Variants in POLA1 observed in about 807,000 individuals in gnomAD.
The protein encoded by POLA1 is DNA polymerase alpha catalytic subunit.
Under a neutral mutation model 124.0 loss-of-function variants are expected in POLA1, and 15 were observed. The ratio of observed to expected loss-of-function variants is 0.12; its 90% CI spans 0.08 to 0.19. The LOEUF is 0.19. Ranked by LOEUF, POLA1 falls within the 10% of genes least tolerant of loss-of-function variation. The probability of loss-of-function intolerance (pLI) is 1.00; values close to 1 mark genes in which losing one functional copy is unlikely to be tolerated. For synonymous variants in POLA1, 408 were observed against 389.4 expected (o/e 1.05, Z -0.56); for missense variants, 886 against 1,103.4 (o/e 0.80, Z 2.79).
At position 24,887,996 on chromosome X, in the gene POLA1, T is replaced by C. The variant is rs367846906; in HGVS notation, c.4048-10T>C. ...ATGGTGATAAGTCTGAAGTTTTCCC[T>C]TCTCTCCAGGGCTGGTTGATATGTG... On this transcript the variant is annotated splice_polypyrimidine_tract_variant and intron_variant, in intron 34 of 36. Coordinates refer to ENST00000379068, the MANE Select transcript of POLA1 (RefSeq NM_001330360.2). 3.2e-5 allele frequency: 36 copies of C among 1,138,669 alleles called. No homozygotes were observed. In the African/African-American group the frequency reaches 5.4e-4, roughly 17 times the overall value. The allele number at this position is 1,138,669 out of a possible 1,213,427, so 93.8% of individuals were successfully genotyped here.
intron 32 of POLA1, among the ~76,000 whole-genome samples, chrX:24,831,110 G>A (rs1292935242): frequency 1.8e-5 from 2 of 111,691 alleles, no homozygotes; most frequent in Non-Finnish European, 3.8e-5. Context: ...AAAAAATGAT[G>A]CATACCACTC....
intron 33 of POLA1, 90 bp from the exon 34 acceptor site, chrX:24,843,456 C>G (rs1452085750): frequency 9.9e-5 from 57 of 573,187 alleles, no homozygotes; most frequent in Non-Finnish European, 1.4e-4. Flanking sequence ...TAAGAATATT[C>G]AACACTAGGA....
chrX:24,861,559 C>G (rs2046716472), intron 34 of POLA1, among the ~76,000 whole-genome samples: 1 of 112,613 alleles, frequency 8.9e-6, no homozygotes, highest in Non-Finnish European at 1.9e-5. Flanking sequence ...CTCTGGTAAT[C>G]TTTTTTGTGA....
chrX:24,830,305 C>T (rs922947215), intron 32 of POLA1, among the ~76,000 whole-genome samples: 2 of 111,707 alleles, frequency 1.8e-5, no homozygotes, highest in East Asian at 2.8e-4. Flanking sequence ...ATCAAGATAC[C>T]TCCTGAAGTC....
At chrX:24,731,895 G>T (rs1253591759) in intron 15 of POLA1, among the ~76,000 whole-genome samples, 1 of 111,706 alleles carries the variant, frequency 9.0e-6, no homozygotes, top group Admixed American at 9.5e-5. Flanking sequence ...GGCTATACAG[G>T]AGTTAATTTT....
intron 36 of POLA1, among the ~76,000 whole-genome samples, chrX:24,979,176 G>A (rs1285967707): frequency 8.9e-6 from 1 of 111,940 alleles, no homozygotes. Flanking sequence ...TTCTTTACTA[G>A]GTAGTCATCT....
At chrX:24,789,844 T>C (rs948084479) in intron 26 of POLA1, among the ~76,000 whole-genome samples, 1 of 111,432 alleles carries the variant, frequency 9.0e-6, no homozygotes, top group African/African-American at 3.3e-5. Flanking sequence ...TAGGGAAAAC[T>C]GTCCCAACTT....
intron 35 of POLA1, among the ~76,000 whole-genome samples, chrX:24,896,672 A>T (rs1181823501): frequency 8.9e-6 from 1 of 111,779 alleles, no homozygotes; most frequent in Non-Finnish European, 1.9e-5. Flanking sequence ...GGCAGATTTT[A>T]AAAAGGACAC....
intron 26 of POLA1, among the ~76,000 whole-genome samples, chrX:24,807,250 A>G (rs2045816620): frequency 8.9e-6 from 1 of 112,225 alleles, no homozygotes; most frequent in South Asian, 3.7e-4. Flanking sequence ...AGTTGTAGTA[A>G]AAGGTTGACA....
chrX:24,811,257 T>G (rs1343984737), intron 28 of POLA1, among the ~76,000 whole-genome samples: 1 of 109,778 alleles, frequency 9.1e-6, no homozygotes, highest in Non-Finnish European at 1.9e-5. Context: ...TCTTTTTTTT[T>G]TTTTTCGTCT....
At chrX:24,995,085 A>G (rs1048668919) in intron 36 of POLA1, among the ~76,000 whole-genome samples, 1 of 110,785 alleles carries the variant, frequency 9.0e-6, no homozygotes, top group Non-Finnish European at 1.9e-5. Context: ...AAAAAAAACA[A>G]CATGTAGAAG....
rs900487390 is a variant in POLA1, at chrX:24,996,134, A to G, written c.*184A>G. The G allele has an allele frequency of 7.4e-6, 3 of 403,321 alleles. No individual in the cohort carries two copies. The highest frequency in any genetic ancestry group is 5.1e-5 in the African/African-American group (2 of 39,360). The allele number at this position is 403,321 out of a possible 1,213,427, so 33.2% of individuals were successfully genotyped here. ...GTTGAGTCTAATGTTCGTAAGCATC[A>G]TAGAAATTCCTGTCTTCATATTAAG... is the stretch of plus-strand genomic sequence containing the variant. On this transcript the variant is annotated 3_prime_UTR_variant, in exon 37 of 37. Coordinates refer to ENST00000379068, the MANE Select transcript of POLA1 (RefSeq NM_001330360.2).
intron 30 of POLA1, among the ~76,000 whole-genome samples, chrX:24,816,447 C>T (rs752030243): frequency 8.9e-6 from 1 of 112,156 alleles, no homozygotes; most frequent in South Asian, 3.7e-4. Flanking sequence ...TCCTTAATGT[C>T]ATGAAAGAAG....
At chrX:24,724,758 G>A (rs908219032) in intron 12 of POLA1, among the ~76,000 whole-genome samples, 1 of 112,384 alleles carries the variant, frequency 8.9e-6, no homozygotes, top group African/African-American at 3.2e-5. Context: ...AGAAGAAACT[G>A]CTCTGATCTC....
At chrX:24,757,006 A>AT (rs1932639323) in intron 26 of POLA1, among the ~76,000 whole-genome samples, 1 of 110,454 alleles carries the variant, frequency 9.1e-6, no homozygotes, top group African/African-American at 3.3e-5. Flanking sequence ...TAACATTTTG[A>AT]TTTTTTTTAA....
At chrX:24,951,338 T>TC (rs2048039149) in intron 36 of POLA1, among the ~76,000 whole-genome samples, 1 of 29,223 alleles carries the variant, frequency 3.4e-5, no homozygotes, top group Non-Finnish European at 6.1e-5. Context: ...TTTAAACACC[T>TC]CCCTACCCCC....
chrX:24,875,324 A>T (rs1324083387), intron 34 of POLA1, among the ~76,000 whole-genome samples: 1 of 111,799 alleles, frequency 8.9e-6, no homozygotes, highest in Non-Finnish European at 1.9e-5. Context: ...CATCAATTCT[A>T]TCTGATCAAA....
At chrX:24,968,422 G>A (rs2048251456) in intron 36 of POLA1, among the ~76,000 whole-genome samples, 1 of 111,808 alleles carries the variant, frequency 8.9e-6, no homozygotes, top group South Asian at 3.8e-4. Context: ...AATCCAGGCC[G>A]GGCGCAGTGG....
rs1930638172 is a variant in POLA1, at chrX:24,727,877, C to A, written c.1627C>A (p.Leu543Ile). 1 of 1,210,345 alleles carries A rather than the reference C, an allele frequency of 8.3e-7. No homozygotes were observed. The highest frequency in any genetic ancestry group is 3.0e-5 in the East Asian group (1 of 33,841). ...NVIKDVSPPP[L>I]VVMAFSMKTM... ...AATTAAGGATGTCAGTCCACCACCG[C>A]TTGTCGTGATGGCTTTCAGCATGAA... The change falls in exon 15 of 37, where the codon CTT becomes ATT. Residue 543 changes from leucine to isoleucine, a missense_variant. By Grantham distance (5) the Leu-to-Ile change is conservative. This residue lies in a region of POLA1 where 337 missense variants were observed against 402.8 expected (regional missense o/e 0.84). Transcript: ENST00000379068.
Sources: allele counts gnomAD v4.1 joint callset (sites outside exome capture counted in the v4.1 genomes callset), GRCh38; gene constraint gnomAD v4.1.1; regional missense constraint gnomAD v4.1.1; transcripts MANE v1.5; gene names NCBI Gene and HGNC (gene_info 2026-07-23, HGNC 2026-07-21).